The following KRT84 variants were observed in gnomAD, a reference collection of about 807,000 sequenced individuals.
The protein encoded by KRT84 is keratin 84, also known as keratin, type II cuticular Hb4.
In KRT84, 38 loss-of-function variants were observed where a neutral mutation model predicts 49.0. The ratio of observed to expected loss-of-function variants is 0.78; its 90% CI spans 0.60 to 1.02. The LOEUF (loss-of-function observed/expected upper bound fraction) is 1.02, where lower values mean the gene tolerates loss of function less well. Ranked by LOEUF, KRT84 falls within the 50% of genes least tolerant of loss-of-function variation. KRT84 has a pLI of 0.00. For missense variants in KRT84, 860 were observed against 788.6 expected (o/e 1.09, Z -1.08); for synonymous variants, 334 against 312.8 (o/e 1.07, Z -0.72).
rs1046125354 is a variant in KRT84 at position 52,380,472 on chromosome 12, G to A, written c.1315C>T (p.Gln439Ter). ...DLECALQQAKQDMARQLCEYQ... is the reference protein window; with the variant it reads ...DLECALQQAK ...TCGCACAGCTGCCGCGCCATGTCCT[G>A]CTTGGCCTGCTGCAGGGCACACTCC... Residue 439 changes from glutamine to a stop codon, truncating the protein, a stop_gained, in exon 7 of 9, where the codon CAG (glutamine) becomes TAG (stop). Coordinates refer to ENST00000257951, the MANE Select transcript of KRT84 (RefSeq NM_033045.4). LOFTEE classifies it high-confidence loss of function. 10 of 1,614,136 alleles carry A rather than the reference G, an allele frequency of 6.2e-6. No homozygotes were observed. The highest frequency in any genetic ancestry group is 8.5e-6 in the Non-Finnish European group (10 of 1,179,964).
chr12:52,381,558 T>C (rs770219338), intron 4 of KRT84, 33 bp from the exon 5 acceptor site: 5 of 1,605,938 alleles, frequency 3.1e-6, no homozygotes, highest in Non-Finnish European at 4.3e-6. Flanking sequence ...CAGATGTGCT[T>C]AGAGTCTCAT....
intron 6 of KRT84, 96 bp from the exon 7 acceptor site, chr12:52,380,679 G>A: frequency 7.7e-7 from 1 of 1,298,736 alleles, no homozygotes. Flanking sequence ...AACATAGCCT[G>A]GGGCCAAGGC....
Position 52,385,590 on chromosome 12 carries a change from G to C in KRT84, c.-5C>G, listed in dbSNP as rs776793751. 2.5e-6 allele frequency: 4 copies of C among 1,610,852 alleles called. No individual in the cohort carries two copies. The highest frequency in any genetic ancestry group is 1.1e-5 in the South Asian group (1 of 90,930). On this transcript the variant is annotated 5_prime_UTR_variant, in exon 1 of 9. Transcript: ENST00000257951. ...TCGGTAGGAGCGGCAAGACATGATG[G>C]CTTCCTGGTTGGGAGCAAAAGAGCA...
Position 52,385,389 on chromosome 12 carries a change from G to A in KRT84, c.197C>T (p.Ala66Val). Residue 66 changes from alanine (A) to valine (V), a missense_variant, in exon 1 of 9, where the codon GCA becomes GTA. Coordinates refer to ENST00000257951, the MANE Select transcript of KRT84 (RefSeq NM_033045.4). ...GTGGATGGGCCGAGAGCCTACAGCT[G>A]CTATCCGGGGTGAGTACGATCCAAA... ...ITFGSYSPRI[A>V]AVGSRPIHCG... is the part of the protein sequence containing the mutation. 1.2e-6 allele frequency: 2 copies of A among 1,614,208 alleles called. No individual in the cohort carries two copies. The highest frequency in any genetic ancestry group is 4.5e-5 in the East Asian group (2 of 44,882).
chr12:52,380,038 C>T, intron 7 of KRT84, 131 bp from the exon 8 acceptor site: 1 of 782,074 alleles, frequency 1.3e-6, no homozygotes, highest in Non-Finnish European at 2.1e-6. Flanking sequence ...ATACACACAT[C>T]TGGGGAGCGT....
intron 1 of KRT84, 24 bp downstream of exon 1, chr12:52,385,016 C>G: frequency 6.3e-7 from 1 of 1,589,922 alleles, no homozygotes; most frequent in South Asian, 1.2e-5. Context: ...TTCCTAGACC[C>G]AGAGATTCAG....
chr12:52,378,215 G>T lies in KRT84; in HGVS notation c.1622C>A (p.Pro541Gln). 1 of 1,569,244 alleles carries T rather than the reference G, an allele frequency of 6.4e-7. No homozygotes were observed. The highest frequency in any genetic ancestry group is 1.3e-5 in the African/African-American group (1 of 74,212). ...AGTGCTCAGCAGGTCCCCAGTGGCC[G>T]GGGCGACCCGGGCTCCACCCAGGCT... Reference protein sequence around the residue: ...GPSLGGARVAPATGDLLSTGT... With the variant: ...GPSLGGARVAQATGDLLSTGT... The change falls in exon 9 of 9, where the codon CCG (proline) becomes CAG (glutamine). Residue 541 changes from proline (P) to glutamine (Q), a missense_variant. By Grantham distance (76) the Pro-to-Gln change is moderately conservative (BLOSUM62 -1). Transcript: ENST00000257951.
At position 52,378,359 on chromosome 12, in the gene KRT84, CCG is replaced by C; in HGVS notation, c.1476_1477del (p.Gly493ProfsTer6). On this transcript the variant is annotated frameshift_variant, in exon 9 of 9. Coordinates refer to ENST00000257951, the MANE Select transcript of KRT84 (RefSeq NM_033045.4). LOFTEE classifies it low-confidence loss of function (END_TRUNC). The stretch of plus-strand genomic sequence containing the variant: ...CAAAGGCTCAGGCCCGCACACCAGG[CCG>C]CCCCGGGAGCTGCTGACGGCTGCGG... 6.8e-7 allele frequency: 1 copy of C among 1,476,238 alleles called. No homozygotes were observed. Among genetic ancestry groups the C allele is most frequent in the South Asian group, 1.3e-5 (1 of 75,052 alleles). 91.4% of individuals were successfully genotyped at this position (1,476,238 alleles called of 1,614,324 possible).
chr12:52,383,023 C>T lies in KRT84; in HGVS notation c.798G>A (p.Glu266=), dbSNP rs776793603. 1.9e-6 allele frequency: 3 copies of T among 1,613,872 alleles called. No homozygotes were observed. Among genetic ancestry groups the T allele is most frequent in the Admixed American group, 3.3e-5 (2 of 60,012 alleles). Residue 266 remains glutamate (E), a synonymous_variant, in exon 3 of 9, where the codon GAG becomes GAA. Coordinates refer to ENST00000257951, the MANE Select transcript of KRT84 (RefSeq NM_033045.4). The part of the protein sequence containing the change: ...EVVCRANAEN[E]FVALKKDVDA... ...CCCTTACCTTCTTCAGAGCCACAAACTCATTCTCAGCATTGGCCCGACATA... is the reference window on the plus strand; with the variant it reads ...CCCTTACCTTCTTCAGAGCCACAAATTCATTCTCAGCATTGGCCCGACATA...
intron 1 of KRT84, 105 bp downstream of exon 1, chr12:52,384,935 A>G (rs1294379368): frequency 8.3e-7 from 1 of 1,208,490 alleles, no homozygotes; most frequent in African/African-American, 1.5e-5. Context: ...TCTGAGGTCA[A>G]GGTCAAGTCC....
At position 52,378,278 on chromosome 12, in the gene KRT84, A is replaced by G; in HGVS notation, c.1559T>C (p.Val520Ala). 1 of 1,549,234 alleles carries G rather than the reference A, an allele frequency of 6.5e-7. No homozygotes were observed. The highest frequency in any genetic ancestry group is 1.2e-5 in the South Asian group (1 of 83,998). Residue 520 changes from valine (V) to alanine (A), a missense_variant, in exon 9 of 9, where the codon GTC (valine) becomes GCC (alanine). Coordinates refer to ENST00000257951, the MANE Select transcript of KRT84 (RefSeq NM_033045.4). Reference sequence around the variant, plus strand: ...AGCCAGGACCCCACTGGTGGCACAGACGCTGCTGCTACCTGAGAAGGTGAC... The same window carrying G: ...AGCCAGGACCCCACTGGTGGCACAGGCGCTGCTGCTACCTGAGAAGGTGAC... Reference protein sequence around the residue: ...GGVTFSGSSSVCATSGVLASC... With the variant: ...GGVTFSGSSSACATSGVLASC...
chr12:52,383,519 C>T, intron 2 of KRT84, 71 bp downstream of exon 2: 1 of 1,235,064 alleles, frequency 8.1e-7, no homozygotes, highest in Non-Finnish European at 1.1e-6. Flanking sequence ...CTGCTCTCAT[C>T]TGAGCTTGGC....
At chr12:52,383,401 G>A (rs1324518912) in intron 2 of KRT84, among the ~76,000 whole-genome samples, 189 bp downstream of exon 2, 1 of 152,102 alleles carries the variant, frequency 6.6e-6, no homozygotes, top group Non-Finnish European at 1.5e-5. Context: ...CTGAACATGG[G>A]CACCTTTTTC....
intron 7 of KRT84, among the ~76,000 whole-genome samples, chr12:52,380,121 T>A (rs1368340094): frequency 6.6e-6 from 1 of 152,224 alleles, no homozygotes; most frequent in Non-Finnish European, 1.5e-5. Context: ...TCATTAGTAG[T>A]AATTTTAGCA....
intron 8 of KRT84, among the ~76,000 whole-genome samples, chr12:52,378,608 CTT>C: frequency 1.3e-5 from 2 of 152,234 alleles, no homozygotes; most frequent in Non-Finnish European, 2.9e-5. Flanking sequence ...AAAATGACGA[CTT>C]CATCCAATTC....
chr12:52,382,908 CAGACTCCA>C (rs1338445930), intron 3 of KRT84, 89 bp downstream of exon 3: 3 of 986,318 alleles, frequency 3.0e-6, no homozygotes, highest in East Asian at 4.8e-5. Flanking sequence ...TGAGTAGTCC[CAGACTCCA>C]CAGGGCTGCC....
Position 52,385,620 on chromosome 12 carries a change from T to A in KRT84, c.-35A>T. 1 of 1,593,260 alleles carries A rather than the reference T, an allele frequency of 6.3e-7. No individual in the cohort carries two copies. The highest frequency in any genetic ancestry group is 1.7e-5 in the Admixed American group (1 of 59,314). ...CTGGTTGGGAGCAAAAGAGCAAGTG[T>A]AGAATGGGTGAGCTGGAGCTGGGAG... On this transcript the variant is annotated 5_prime_UTR_variant, in exon 1 of 9. Transcript: ENST00000257951.
chr12:52,383,238 G>T (rs17658453), intron 2 of KRT84, among the ~76,000 whole-genome samples, 173 bp from the exon 3 acceptor site: 21,955 of 152,108 alleles, frequency 0.14, 1,873 homozygotes, highest in Admixed American at 0.24. Flanking sequence ...CCTTTCATAA[G>T]CCAGTGCCTC....
At position 52,380,462 on chromosome 12, in the gene KRT84, G is replaced by A. The variant is rs758224274; in HGVS notation, c.1325C>T (p.Ala442Val). 2.5e-6 allele frequency: 4 copies of A among 1,614,168 alleles called. No homozygotes were observed. Among genetic ancestry groups the A allele is most frequent in the East Asian group, 2.2e-5 (1 of 44,888 alleles). Residue 442 changes from alanine to valine, a missense_variant, in exon 7 of 9, where the codon GCG becomes GTG. Transcript: ENST00000257951. ...CTCCTGGTACTCGCACAGCTGCCGC[G>A]CCATGTCCTGCTTGGCCTGCTGCAG... ...CALQQAKQDMARQLCEYQELM... is the reference protein window; with the variant it reads ...CALQQAKQDMVRQLCEYQELM...
Sources: allele counts gnomAD v4.1 joint callset (sites outside exome capture counted in the v4.1 genomes callset), GRCh38; gene constraint gnomAD v4.1.1; transcripts MANE v1.5; gene names NCBI Gene and HGNC (gene_info 2026-07-23, HGNC 2026-07-21).